The following FOXP1 variants were observed in gnomAD, a reference collection of about 807,000 sequenced individuals.
The protein encoded by FOXP1 is forkhead box P1.
A neutral mutation model predicts 98.2 loss-of-function variants in FOXP1; 15 were observed. The observed-to-expected ratio is 0.15, with a 90% CI of 0.10 to 0.24. The LOEUF is 0.24. Among genes scored for constraint, FOXP1 ranks in the 10% least tolerant of loss-of-function variants. FOXP1 has a pLI of 1.00. For synonymous variants in FOXP1, 371 were observed against 314.5 expected (o/e 1.18, Z -1.90); for missense variants, 633 against 848.5 (o/e 0.75, Z 3.15).
At chr3:70,966,731 ACT>A (rs2034870001) in intron 19 of FOXP1, among the ~76,000 whole-genome samples, 1 of 152,194 alleles carries the variant, frequency 6.6e-6, no homozygotes. Context: ...GGAAGCTCTA[ACT>A]CATATTTATT....
intron 7 of FOXP1, among the ~76,000 whole-genome samples, chr3:71,064,273 T>C (rs2052024372): frequency 6.6e-6 from 1 of 152,106 alleles, no homozygotes; most frequent in Non-Finnish European, 1.5e-5. Flanking sequence ...AGAAACAAAC[T>C]ATCAGAAGCA....
intron 11 of FOXP1, among the ~76,000 whole-genome samples, chr3:71,026,711 T>C (rs1417228033): frequency 6.6e-6 from 1 of 152,038 alleles, no homozygotes; most frequent in Non-Finnish European, 1.5e-5. Flanking sequence ...ATGTCACCAA[T>C]CTCCCCTATC....
At chr3:71,477,138 C>T (rs978809473) in intron 3 of FOXP1, among the ~76,000 whole-genome samples, 1 of 152,142 alleles carries the variant, frequency 6.6e-6, no homozygotes, top group African/African-American at 2.4e-5. Context: ...TCTGTAGCAA[C>T]AGGTGCACAA....
chr3:71,501,293 C>CTTTTTT (rs763654842), intron 2 of FOXP1, among the ~76,000 whole-genome samples: 10 of 129,722 alleles, frequency 7.7e-5, no homozygotes, highest in East Asian at 4.4e-4. Flanking sequence ...AAATGCTTTT[C>CTTTTTT]TTTTTTTTTT....
chr3:71,576,353 T>TA (rs1246318094), intron 2 of FOXP1, among the ~76,000 whole-genome samples: 2 of 152,206 alleles, frequency 1.3e-5, no homozygotes, highest in Non-Finnish European at 2.9e-5. Context: ...ACTATTTTAT[T>TA]AAAAATACAA....
rs1220853438 is a variant in FOXP1 at position 70,967,683 on chromosome 3, ATTTGTTTTTTTTTTTTGTTTTTT to A, written c.1723-1650_1723-1628del. Among the ~76,000 whole-genome samples, 33 of 21,768 alleles carry A rather than the reference ATTTGTTTTTTTTTTTTGTTTTTT, an allele frequency of 1.5e-3. 1 individual carries two copies. Among genetic ancestry groups the A allele is most frequent in the East Asian group, 9.3e-3 (9 of 968 alleles). The allele number at this position is 21,768 out of a possible 152,430, so 14.3% of individuals were successfully genotyped here. A position where few individuals can be genotyped will look rare whatever the true frequency, so the allele number is the denominator to read the frequency against. ...CAGAGCAGTTGCCAGAACTACTATTATTTGTTTTTTTTTTTTGTTTTTTTTTGTTTTTTTTTTTTTTTTTTGCA... is the reference window on the plus strand; with the variant it reads ...CAGAGCAGTTGCCAGAACTACTATTATTTGTTTTTTTTTTTTTTTTTTGCA... On this transcript the variant is annotated intron_variant, in intron 19 of 20. Coordinates refer to ENST00000649528, the MANE Select transcript of FOXP1 (RefSeq NM_001349338.3).
chr3:71,366,613 T>C (rs371569161), intron 3 of FOXP1, among the ~76,000 whole-genome samples: 2 of 152,226 alleles, frequency 1.3e-5, no homozygotes, highest in South Asian at 2.1e-4. Context: ...ATACCTGTTA[T>C]ACAATTTGAA....
At chr3:71,475,725 C>T (rs1440388407) in intron 3 of FOXP1, among the ~76,000 whole-genome samples, 1 of 151,926 alleles carries the variant, frequency 6.6e-6, no homozygotes, top group African/African-American at 2.4e-5. Context: ...ACCTGTAATC[C>T]CAGCTACTCA....
At chr3:71,113,275 A>G (rs1249349584) in intron 6 of FOXP1, among the ~76,000 whole-genome samples, 2 of 152,178 alleles carry the variant, frequency 1.3e-5, no homozygotes, top group African/African-American at 4.8e-5. Flanking sequence ...TCTGTGAACA[A>G]AACTGGTTAC....
intron 7 of FOXP1, among the ~76,000 whole-genome samples, chr3:71,069,611 C>A (rs1382410459): frequency 2.0e-5 from 3 of 152,072 alleles, no homozygotes; most frequent in Non-Finnish European, 4.4e-5. Flanking sequence ...AAGTGCTGTA[C>A]CCTTCAGATA....
chr3:71,009,534 A>C (rs1166163946), intron 12 of FOXP1, among the ~76,000 whole-genome samples: 3 of 152,136 alleles, frequency 2.0e-5, no homozygotes, highest in Non-Finnish European at 4.4e-5. Flanking sequence ...TTTCTGATTA[A>C]AACATTCTAT....
chr3:71,440,274 TAACA>T (rs2085800451), intron 3 of FOXP1, among the ~76,000 whole-genome samples: 1 of 151,966 alleles, frequency 6.6e-6, no homozygotes, highest in Admixed American at 6.6e-5. Context: ...CAATTAAAAA[TAACA>T]AACAAGTCCA....
rs1391741603 is a variant in FOXP1, at chr3:71,112,536, C to G, written c.282G>C (p.Gln94His). Residue 94 changes from glutamine (Q) to histidine (H), a missense_variant and splice_region_variant, in exon 7 of 21, where the codon CAG becomes CAC. Physicochemically the swap from Gln to His is conservative, Grantham distance 24. Coordinates refer to ENST00000649528, the MANE Select transcript of FOXP1 (RefSeq NM_001349338.3). The stretch of plus-strand genomic sequence containing the variant: ...ATTTAAAAAGAAAAAGAATTGTTAC[C>G]TGAAGAGCTGGTTGTTTGTCATTCC... The part of the protein sequence containing the change: ...PKRNDKQPAL[Q>H]VPVSVAMMTP... 6.2e-7 allele frequency: 1 copy of G among 1,608,822 alleles called. No individual in the cohort carries two copies. Among genetic ancestry groups the G allele is most frequent in the Admixed American group, 1.7e-5 (1 of 60,022 alleles).
At chr3:71,351,908 T>C (rs1003158635) in intron 4 of FOXP1, among the ~76,000 whole-genome samples, 6 of 152,224 alleles carry the variant, frequency 3.9e-5, no homozygotes, top group Non-Finnish European at 8.8e-5. Context: ...CAACTGGAGA[T>C]AGAAGAATGG....
chr3:71,053,768 G>A lies in FOXP1; in HGVS notation c.288C>T (p.Pro96=), dbSNP rs528713688. Residue 96 remains proline, a synonymous_variant, in exon 8 of 21, where the codon CCC becomes CCT. Coordinates refer to ENST00000649528, the MANE Select transcript of FOXP1 (RefSeq NM_001349338.3). ...GAGGTGTCATCATAGCCACTGACAC[G>A]GGAACCTAGAATGTTAATGAAGGAT... The part of the protein sequence containing the change: ...RNDKQPALQV[P]VSVAMMTPQV... 3.5e-5 allele frequency: 56 copies of A among 1,613,946 alleles called. No individual in the cohort carries two copies. In the South Asian group the frequency reaches 4.9e-4, roughly 14 times the overall value.
chr3:71,137,434 A>T (rs763640033), intron 6 of FOXP1, among the ~76,000 whole-genome samples: 6 of 152,180 alleles, frequency 3.9e-5, no homozygotes, highest in Non-Finnish European at 5.9e-5. Flanking sequence ...CGGGAAGCTT[A>T]ATCTTAACCA....
At chr3:71,002,646 A>C (rs1329974162) in intron 12 of FOXP1, among the ~76,000 whole-genome samples, 5 of 152,216 alleles carry the variant, frequency 3.3e-5, no homozygotes, top group African/African-American at 1.2e-4. Flanking sequence ...CAAAAGTTTT[A>C]GCCTATGTTT....
intron 2 of FOXP1, among the ~76,000 whole-genome samples, chr3:71,557,868 G>A (rs949026855): frequency 2.6e-5 from 4 of 152,202 alleles, no homozygotes; most frequent in African/African-American, 9.7e-5. Context: ...CCAGGCTGGA[G>A]TACAGTGGTG....
rs1553670621 is a variant in FOXP1 at position 70,979,316 on chromosome 3, A to AAAAAAAAAAG, written c.1147-1288_1147-1287insCTTTTTTTTT. Among the ~76,000 whole-genome samples, 97 of 96,398 alleles carry AAAAAAAAAAG rather than the reference A, an allele frequency of 1.0e-3. 2 individuals are homozygous for AAAAAAAAAAG. Among genetic ancestry groups the AAAAAAAAAAG allele is most frequent in the African/African-American group, 2.9e-3 (66 of 23,102 alleles). The allele number at this position is 96,398 out of a possible 152,430, so 63.2% of individuals were successfully genotyped here. On this transcript the variant is annotated intron_variant, in intron 14 of 20. Coordinates refer to ENST00000649528, the MANE Select transcript of FOXP1 (RefSeq NM_001349338.3). ...AAAAAAAAAAAAAAAAAAAAAAAAA[A>AAAAAAAAAAG]AAAAGAAAAAAATAAATTAATGAGC...
Sources: allele counts gnomAD v4.1 joint callset (sites outside exome capture counted in the v4.1 genomes callset), GRCh38; gene constraint gnomAD v4.1.1; transcripts MANE v1.5; gene names NCBI Gene and HGNC (gene_info 2026-07-23, HGNC 2026-07-21).